Variants in UTP18 observed in about 807,000 individuals in gnomAD.
The protein encoded by UTP18 is U3 small nucleolar RNA-associated protein 18 homolog.
In UTP18, 36 loss-of-function variants were observed where a neutral mutation model predicts 61.1. The observed-to-expected ratio is 0.59, with a 90% CI of 0.45 to 0.78. The LOEUF is 0.78. Among genes scored for constraint, UTP18 ranks in the 30% least tolerant of loss-of-function variants. The probability of loss-of-function intolerance (pLI) is 0.00; values close to 1 mark genes in which losing one functional copy is unlikely to be tolerated. For synonymous variants in UTP18, 282 were observed against 251.1 expected, an observed-to-expected ratio of 1.12 and a Z score of -1.16; for missense variants, 753 against 693.9, an observed-to-expected ratio of 1.09 and a Z score of -0.96.
intron 11 of UTP18, chr17:51,288,429 C>A: frequency 1.9e-6 from 1 of 523,042 alleles, no homozygotes. Context: ...TGTCCATTCT[C>A]ACCATTCCTA....
chr17:51,291,610 C>T (rs1905239928), intron 11 of UTP18, among the ~76,000 whole-genome samples: 2 of 152,136 alleles, frequency 1.3e-5, no homozygotes, highest in South Asian at 4.2e-4. Flanking sequence ...TAGCCCACAC[C>T]TGTAATCCCA....
intron 11 of UTP18, among the ~76,000 whole-genome samples, chr17:51,289,555 G>T (rs192404064): frequency 1.3e-5 from 2 of 152,062 alleles, no homozygotes; most frequent in African/African-American, 2.4e-5. Flanking sequence ...ACTCTTTTCT[G>T]CCCAACATCA....
At chr17:51,286,657 C>G (rs1905124772) in intron 10 of UTP18, 1 of 442,580 alleles carries the variant, frequency 2.3e-6, no homozygotes, top group African/African-American at 2.0e-5. Flanking sequence ...AAGGCCCCTT[C>G]CTTTCCTACC....
At chr17:51,263,944 A>G (rs955387257) in intron 2 of UTP18, among the ~76,000 whole-genome samples, 2 of 152,052 alleles carry the variant, frequency 1.3e-5, no homozygotes, top group Admixed American at 6.5e-5. Context: ...AAAAAAATAG[A>G]CATTTTAAAA....
At position 51,269,181 on chromosome 17, in the gene UTP18, G is replaced by C. The variant is rs1904414829; in HGVS notation, c.622+277G>C. 2.0e-5 allele frequency among the ~76,000 whole-genome samples: 3 copies of C among 151,096 alleles called. No homozygotes were observed. In the Admixed American group the frequency reaches 2.0e-4, roughly 10 times the overall value. ...ATGTTCCTGTAGTCCCGACTACTTGGGGGGCTGAGGTGGGAGGATTGCTTG... is the reference window on the plus strand; with the variant it reads ...ATGTTCCTGTAGTCCCGACTACTTGCGGGGCTGAGGTGGGAGGATTGCTTG... On this transcript the variant is annotated intron_variant, in intron 4 of 13. Transcript: ENST00000225298.
At chr17:51,262,932 C>T (rs1019983223) in intron 1 of UTP18, among the ~76,000 whole-genome samples, 1 of 152,192 alleles carries the variant, frequency 6.6e-6, no homozygotes, top group African/African-American at 2.4e-5. Flanking sequence ...AGTTTGCCTC[C>T]GGTCCTGTAA....
intron 11 of UTP18, among the ~76,000 whole-genome samples, 171 bp downstream of exon 11, chr17:51,288,374 T>A (rs1050140405): frequency 2.0e-5 from 3 of 152,262 alleles, no homozygotes. Context: ...GGATGCACAG[T>A]AGCCACCACA....
chr17:51,275,744 T>C, intron 5 of UTP18, 122 bp from the exon 6 acceptor site: 1 of 978,838 alleles, frequency 1.0e-6, no homozygotes, highest in Non-Finnish European at 1.3e-6. Context: ...GAGTTGTGTT[T>C]GGTTACCATT....
At chr17:51,268,574 A>T (rs1904388827) in intron 3 of UTP18, among the ~76,000 whole-genome samples, 1 of 152,258 alleles carries the variant, frequency 6.6e-6, no homozygotes, top group South Asian at 2.1e-4. Flanking sequence ...CAACCATGTA[A>T]CTAGATGGAA....
chr17:51,274,821 A>G (rs1024327444), intron 5 of UTP18, among the ~76,000 whole-genome samples: 1 of 152,030 alleles, frequency 6.6e-6, no homozygotes, highest in Non-Finnish European at 1.5e-5. Flanking sequence ...ATTATGATAA[A>G]TTAGATACAG....
At chr17:51,288,830 G>A (rs1223840211) in intron 11 of UTP18, among the ~76,000 whole-genome samples, 2 of 152,124 alleles carry the variant, frequency 1.3e-5, no homozygotes, top group African/African-American at 2.4e-5. Context: ...AGTAAAGTCC[G>A]GAGGAAACCT....
At position 51,275,414 on chromosome 17, in the gene UTP18, TGAA is replaced by T. The variant is rs769180428; in HGVS notation, c.712-448_712-446del. Among the ~76,000 whole-genome samples the T allele has an allele frequency of 9.9e-5, 15 of 152,276 alleles. No individual in the cohort carries two copies. The South Asian group carries it at 3.1e-3, about 32-fold the overall frequency. On this transcript the variant is annotated intron_variant, in intron 5 of 13. Coordinates refer to ENST00000225298, the MANE Select transcript of UTP18 (RefSeq NM_016001.3). ...AGAGAATAAAGCAACCTGTGCCAAT[TGAA>T]GAACTGTGGGGACAACTGTGCAGTG... is the stretch of plus-strand genomic sequence containing the variant.
chr17:51,280,469 C>T lies in UTP18; in HGVS notation c.1194C>T (p.Tyr398=), dbSNP rs781305711. 9.3e-6 allele frequency: 15 copies of T among 1,613,780 alleles called. No individual in the cohort carries two copies. The highest frequency in any genetic ancestry group is 6.7e-5 in the East Asian group (3 of 44,888). ...STFSSDSKKV[Y]ASSGDGEVYV... The stretch of plus-strand genomic sequence containing the variant: ...TCTCTTCAGATAGTAAGAAAGTATA[C>T]GCCTCTTCGGGTAAGACAACGACAT... The change falls in exon 9 of 14, where the codon TAC becomes TAT. Residue 398 remains tyrosine (Y), a synonymous_variant. Coordinates refer to ENST00000225298, the MANE Select transcript of UTP18 (RefSeq NM_016001.3).
Position 51,284,211 on chromosome 17 carries a change from A to G in UTP18, c.1205-1034A>G, listed in dbSNP as rs541638372. On this transcript the variant is annotated intron_variant, in intron 9 of 13. Coordinates refer to ENST00000225298, the MANE Select transcript of UTP18 (RefSeq NM_016001.3). ...TGAAACTGAGATTCACTGAATTCTC[A>G]TTGGGAGAATAAGAGTACATATGGA... is the stretch of plus-strand genomic sequence containing the variant. Among the ~76,000 whole-genome samples the G allele has an allele frequency of 3.3e-5, 5 of 152,330 alleles. No individual in the cohort carries two copies. The East Asian group carries it at 5.8e-4, about 18-fold the overall frequency.
intron 1 of UTP18, 27 bp from the exon 2 acceptor site, chr17:51,263,247 T>C (rs1598472667): frequency 6.3e-7 from 1 of 1,597,662 alleles, no homozygotes; most frequent in South Asian, 1.1e-5. Flanking sequence ...AAAATCTCAG[T>C]GCTTGAGGGT....
chr17:51,295,124 G>A (rs1023322140), intron 12 of UTP18, among the ~76,000 whole-genome samples: 5 of 152,062 alleles, frequency 3.3e-5, no homozygotes, highest in African/African-American at 1.2e-4. Flanking sequence ...AGTAGGTTGC[G>A]ACAATTTTCT....
At chr17:51,261,078 C>G (rs2055457200) in intron 1 of UTP18, 152 bp downstream of exon 1, 1 of 650,748 alleles carries the variant, frequency 1.5e-6, no homozygotes, top group Non-Finnish European at 2.2e-6. Flanking sequence ...AGGGTCGCAG[C>G]TGCGGGTCCC....
chr17:51,297,374 T>C (rs1287296654), intron 13 of UTP18, among the ~76,000 whole-genome samples: 2 of 152,180 alleles, frequency 1.3e-5, no homozygotes, highest in Non-Finnish European at 2.9e-5. Context: ...TATATATATG[T>C]TTCTTGAGAG....
At chr17:51,296,735 A>AC (rs34120435) in intron 12 of UTP18, 6,095 of 464,106 alleles carry the variant, frequency 0.013, 93 homozygotes, top group Admixed American at 0.027. Flanking sequence ...TATTTCATAG[A>AC]CCCCCCATGT....
Sources: allele counts gnomAD v4.1 joint callset (sites outside exome capture counted in the v4.1 genomes callset), GRCh38; gene constraint gnomAD v4.1.1; transcripts MANE v1.5; gene names NCBI Gene and HGNC (gene_info 2026-07-23, HGNC 2026-07-21).